Variants in C9orf85 observed in about 807,000 individuals in gnomAD.
C9orf85 encodes uncharacterized protein C9orf85.
A neutral mutation model predicts 14.9 loss-of-function variants in C9orf85; 16 were observed. The ratio of observed to expected loss-of-function variants is 1.08; its 90% CI spans 0.73 to 1.63. The LOEUF is 1.63. C9orf85 is among the 40% of genes most tolerant of loss of function. C9orf85 has a pLI of 0.00. For missense variants in C9orf85, 172 were observed against 186.1 expected (o/e 0.92, Z 0.44); for synonymous variants, 45 against 56.8 (o/e 0.79, Z 0.93).
chr9:71,928,366 ATTGC>A (rs1228871929), intron 1 of C9orf85, among the ~76,000 whole-genome samples: 3 of 152,192 alleles, frequency 2.0e-5, no homozygotes, highest in Non-Finnish European at 2.9e-5. Context: ...CTAAGAATAT[ATTGC>A]TTGCTGTTCA....
intron 2 of C9orf85, among the ~76,000 whole-genome samples, chr9:71,963,869 C>T (rs1039756757): frequency 2.0e-5 from 3 of 152,204 alleles, no homozygotes; most frequent in Non-Finnish European, 4.4e-5. Flanking sequence ...ACCAGCGCCA[C>T]CCCCTGCTCC....
At chr9:71,926,071 A>G (rs1328427153) in intron 1 of C9orf85, among the ~76,000 whole-genome samples, 1 of 152,204 alleles carries the variant, frequency 6.6e-6, no homozygotes. Flanking sequence ...TCCTGTGTAT[A>G]CTAAAGCAAA....
chr9:71,942,586 A>G (rs1821966799), intron 1 of C9orf85, among the ~76,000 whole-genome samples: 3 of 149,506 alleles, frequency 2.0e-5, no homozygotes, highest in Non-Finnish European at 3.0e-5. Flanking sequence ...AGGAATTTAA[A>G]TAATGTAGTT....
chr9:71,940,228 TAAAA>T (rs560109040), intron 1 of C9orf85, among the ~76,000 whole-genome samples: 6 of 148,160 alleles, frequency 4.0e-5, no homozygotes, highest in African/African-American at 9.9e-5. Flanking sequence ...ATGAACAATT[TAAAA>T]AAAAAAGACG....
At chr9:71,958,233 A>G (rs1164275742) in intron 2 of C9orf85, among the ~76,000 whole-genome samples, 1 of 137,624 alleles carries the variant, frequency 7.3e-6, no homozygotes, top group African/African-American at 2.6e-5. Context: ...TATATATATT[A>G]TATATATATT....
At chr9:71,935,184 G>A (rs184772122) in intron 1 of C9orf85, among the ~76,000 whole-genome samples, 13 of 152,180 alleles carry the variant, frequency 8.5e-5, no homozygotes, top group African/African-American at 2.4e-4. Flanking sequence ...TGGCACAGCC[G>A]CTCTGGATAA....
chr9:71,974,674 A>G (rs1348880089), downstream of C9orf85, among the ~76,000 whole-genome samples: 1 of 152,182 alleles, frequency 6.6e-6, no homozygotes, highest in Admixed American at 6.5e-5. Flanking sequence ...GTATGTATCT[A>G]GCAGTGGTAG....
chr9:71,963,561 C>T (rs777905319), intron 2 of C9orf85, among the ~76,000 whole-genome samples: 15 of 152,164 alleles, frequency 9.9e-5, no homozygotes, highest in Non-Finnish European at 1.8e-4. Context: ...AGCGGGAACC[C>T]GGGCTGCGCG....
intron 1 of C9orf85, among the ~76,000 whole-genome samples, chr9:71,929,536 GAAC>G: frequency 6.6e-6 from 1 of 152,142 alleles, no homozygotes; most frequent in African/African-American, 2.4e-5. Flanking sequence ...GAAAATCTGG[GAAC>G]AGCATCATAG....
chr9:71,947,441 C>T (rs1822129665), intron 2 of C9orf85, among the ~76,000 whole-genome samples: 1 of 152,104 alleles, frequency 6.6e-6, no homozygotes, highest in Admixed American at 6.6e-5. Flanking sequence ...TAATACTATG[C>T]ACCATAAATT....
At chr9:71,940,768 A>G (rs1325943091) in intron 1 of C9orf85, among the ~76,000 whole-genome samples, 1 of 152,208 alleles carries the variant, frequency 6.6e-6, no homozygotes, top group Non-Finnish European at 1.5e-5. Flanking sequence ...AAAAACTCGT[A>G]TGCAAATATT....
At chr9:71,911,992 C>A in intron 1 of C9orf85, 156 bp downstream of exon 1, 1 of 712,156 alleles carries the variant, frequency 1.4e-6, no homozygotes, top group Non-Finnish European at 2.5e-6. Context: ...ATGTTATTCT[C>A]ACGCCCTTTC....
intron 2 of C9orf85, among the ~76,000 whole-genome samples, chr9:71,969,418 C>T (rs1050860275): frequency 2.6e-5 from 4 of 152,062 alleles, no homozygotes; most frequent in Non-Finnish European, 5.9e-5. Context: ...CTGGGAGTAC[C>T]AGCATGAGCC....
At chr9:71,963,333 C>G (rs575988990) in intron 2 of C9orf85, among the ~76,000 whole-genome samples, 5 of 152,048 alleles carry the variant, frequency 3.3e-5, no homozygotes. Context: ...TCCAAGATGG[C>G]GGTGTGCTGC....
chr9:71,976,541 A>G, downstream of C9orf85, among the ~76,000 whole-genome samples: 1 of 151,996 alleles, frequency 6.6e-6, no homozygotes. Flanking sequence ...GGGCGCCTGT[A>G]GTCCCAGCTA....
intron 1 of C9orf85, among the ~76,000 whole-genome samples, chr9:71,926,853 A>G (rs1827941261): frequency 2.0e-5 from 3 of 152,038 alleles, no homozygotes; most frequent in African/African-American, 4.8e-5. Flanking sequence ...GGCTCAAGCT[A>G]AGAAAGCTGC....
intron 2 of C9orf85, among the ~76,000 whole-genome samples, chr9:71,955,037 G>A (rs1822348781): frequency 6.6e-6 from 1 of 152,098 alleles, no homozygotes; most frequent in Middle Eastern, 3.2e-3. Context: ...TATTTTTAAA[G>A]GGAAGAATTT....
chr9:71,918,998 G>A (rs1827727413), intron 1 of C9orf85, among the ~76,000 whole-genome samples: 1 of 150,744 alleles, frequency 6.6e-6, no homozygotes, highest in Admixed American at 6.7e-5. Flanking sequence ...GTTGGGGACT[G>A]CTGCTGTTGA....
chr9:71,976,455 G>A (rs539396845), downstream of C9orf85, among the ~76,000 whole-genome samples: 5 of 152,266 alleles, frequency 3.3e-5, no homozygotes, highest in African/African-American at 1.2e-4. Flanking sequence ...GAGGTCAGGA[G>A]ATCGAGACCA....
Sources: gnomAD v4.1 joint callset for allele counts (sites outside exome capture counted in the v4.1 genomes callset) on GRCh38, gnomAD v4.1.1 for gene constraint, MANE v1.5 for transcripts, NCBI Gene and HGNC (gene_info 2026-07-23, HGNC 2026-07-21) for gene names.